PTK2: variants seen among roughly 807,000 people sequenced by gnomAD.
PTK2 encodes the protein focal adhesion kinase 1.
In PTK2, 45 loss-of-function variants were observed where a neutral mutation model predicts 150.1. The ratio of observed to expected loss-of-function variants is 0.30; its 90% CI spans 0.24 to 0.38. The LOEUF is 0.38. PTK2 is among the 10% of genes least tolerant of loss of function. The probability of loss-of-function intolerance (pLI) is 1.00; values close to 1 mark genes in which losing one functional copy is unlikely to be tolerated. For missense variants in PTK2, 919 were observed against 1,307.3 expected (o/e 0.70, Z 4.58); for synonymous variants, 432 against 449.2 (o/e 0.96, Z 0.48).
At chr8:140,850,443 G>A (rs1381768932) in intron 5 of PTK2, among the ~76,000 whole-genome samples, 1 of 148,834 alleles carries the variant, frequency 6.7e-6, no homozygotes, top group Non-Finnish European at 1.5e-5. Flanking sequence ...AAACTACGAC[G>A]GGCCAGGCGC....
intron 1 of PTK2, among the ~76,000 whole-genome samples, chr8:140,977,317 T>C (rs1336384294): frequency 2.0e-5 from 3 of 152,124 alleles, no homozygotes; most frequent in Non-Finnish European, 4.4e-5. Flanking sequence ...CGCTTGAACC[T>C]GGGAGGTCAA....
chr8:140,788,841 G>T lies in PTK2; in HGVS notation c.1177+633C>A, dbSNP rs1293453313. Among the ~76,000 whole-genome samples, 4 of 152,152 alleles carry T rather than the reference G, an allele frequency of 2.6e-5. No individual in the cohort carries two copies. The East Asian group carries it at 7.7e-4, about 29-fold the overall frequency. ...TATATGGTTACGTATGTATATATGT[G>T]CATATACAGATGGTATATGTATTTT... On this transcript the variant is annotated intron_variant, in intron 14 of 31. Transcript: ENST00000522684.
At chr8:140,963,549 T>G (rs1360874861) in intron 1 of PTK2, among the ~76,000 whole-genome samples, 1 of 152,168 alleles carries the variant, frequency 6.6e-6, no homozygotes, top group African/African-American at 2.4e-5. Context: ...CAAAACCTCC[T>G]AACTGATCTA....
intron 25 of PTK2, among the ~76,000 whole-genome samples, chr8:140,701,358 T>C (rs2100030350): frequency 6.6e-6 from 1 of 152,178 alleles, no homozygotes; most frequent in South Asian, 2.1e-4. Flanking sequence ...ACAATACATA[T>C]TACAGAGTAT....
At chr8:140,885,564 A>C (rs935420785) in intron 3 of PTK2, among the ~76,000 whole-genome samples, 1 of 152,224 alleles carries the variant, frequency 6.6e-6, no homozygotes, top group Admixed American at 6.5e-5. Context: ...ATGGTGAGGC[A>C]TAAGGGAGCA....
At chr8:140,885,051 G>A (rs2100151779) in intron 3 of PTK2, among the ~76,000 whole-genome samples, 1 of 152,138 alleles carries the variant, frequency 6.6e-6, no homozygotes, top group African/African-American at 2.4e-5. Flanking sequence ...AGTACTCAAT[G>A]GTGGTGTAAT....
intron 1 of PTK2, among the ~76,000 whole-genome samples, chr8:140,996,600 C>G (rs577144983): frequency 1.3e-5 from 2 of 152,312 alleles, no homozygotes; most frequent in African/African-American, 4.8e-5. Flanking sequence ...TTCTGAAAAT[C>G]CCAGGGTCCT....
At chr8:140,809,409 A>G (rs2100100101) in intron 10 of PTK2, among the ~76,000 whole-genome samples, 1 of 152,260 alleles carries the variant, frequency 6.6e-6, no homozygotes, top group African/African-American at 2.4e-5. Flanking sequence ...AGATTTTAAC[A>G]GATCTATGAG....
At chr8:140,792,976 G>C (rs2100089394) in intron 13 of PTK2, among the ~76,000 whole-genome samples, 1 of 152,062 alleles carries the variant, frequency 6.6e-6, no homozygotes, top group Non-Finnish European at 1.5e-5. Context: ...TATAAAATTA[G>C]GAAATAAACA....
At position 140,966,762 on chromosome 8, in the gene PTK2, T is replaced by G. The variant is rs370899560; in HGVS notation, c.-122+34363A>C. Among the ~76,000 whole-genome samples, 43 of 152,346 alleles carry G rather than the reference T, an allele frequency of 2.8e-4. 1 individual carries two copies. The highest frequency in any genetic ancestry group is 9.9e-4 in the African/African-American group (41 of 41,574). On this transcript the variant is annotated intron_variant, in intron 1 of 31. Coordinates refer to ENST00000522684, the Ensembl canonical transcript of PTK2. Reference sequence around the variant, plus strand: ...CTCTGAAGATATTTTAAGATGGATATTCCCTACCCTTTGTGCATGAATGAG... The same window carrying G: ...CTCTGAAGATATTTTAAGATGGATAGTCCCTACCCTTTGTGCATGAATGAG...
chr8:140,940,241 T>A lies in PTK2; in HGVS notation c.-121-14492A>T, dbSNP rs568270729. On this transcript the variant is annotated intron_variant, in intron 1 of 31. Coordinates refer to ENST00000522684, the Ensembl canonical transcript of PTK2. ...GTACATCAGGAAAGAAACACTACTT[T>A]GCATTTGGGAGGCCGAGGCGGGTGG... 2.3e-4 allele frequency among the ~76,000 whole-genome samples: 35 copies of A among 152,262 alleles called. No individual in the cohort carries two copies. The South Asian group carries it at 7.1e-3, about 31-fold the overall frequency.
chr8:140,711,326 C>T (rs890105808), intron 23 of PTK2, among the ~76,000 whole-genome samples: 1 of 152,282 alleles, frequency 6.6e-6, no homozygotes, highest in South Asian at 2.1e-4. Context: ...AGGCTGGTCT[C>T]GAACTACTGG....
chr8:140,752,625 C>G (rs1237245583), intron 16 of PTK2, among the ~76,000 whole-genome samples: 1 of 152,228 alleles, frequency 6.6e-6, no homozygotes, highest in East Asian at 1.9e-4. Flanking sequence ...GCAGAGGCAG[C>G]AGTCCCTGTA....
chr8:140,726,461 C>A (rs1388270662), intron 22 of PTK2, among the ~76,000 whole-genome samples: 1 of 152,156 alleles, frequency 6.6e-6, no homozygotes, highest in African/African-American at 2.4e-5. Flanking sequence ...CCAAGCACAT[C>A]CTACTTAAAT....
intron 10 of PTK2, among the ~76,000 whole-genome samples, chr8:140,817,151 C>T (rs2100105185): frequency 6.6e-6 from 1 of 151,912 alleles, no homozygotes; most frequent in Non-Finnish European, 1.5e-5. Flanking sequence ...CCAAGTAGGA[C>T]AGTGTGCCTG....
chr8:140,810,356 G>A (rs765072463), intron 10 of PTK2, among the ~76,000 whole-genome samples: 14 of 152,160 alleles, frequency 9.2e-5, no homozygotes, highest in Non-Finnish European at 1.8e-4. Flanking sequence ...CTGCAGGGTG[G>A]GCTTACCTAT....
At chr8:140,694,190 G>A (rs2100025021) in intron 26 of PTK2, among the ~76,000 whole-genome samples, 1 of 151,902 alleles carries the variant, frequency 6.6e-6, no homozygotes, top group South Asian at 2.1e-4. Flanking sequence ...ACAGGCACCT[G>A]CCACTACGCC....
chr8:140,850,561 T>TAA (rs538920575), intron 5 of PTK2, among the ~76,000 whole-genome samples: 17 of 120,978 alleles, frequency 1.4e-4, no homozygotes, highest in East Asian at 8.1e-4. Flanking sequence ...CCATCTCTAC[T>TAA]AAAAAAAAAA....
chr8:140,685,990 C>A (rs1297974434), intron 27 of PTK2, among the ~76,000 whole-genome samples: 1 of 152,160 alleles, frequency 6.6e-6, no homozygotes, highest in East Asian at 1.9e-4. Flanking sequence ...AACCTCAATA[C>A]CCATCAATGA....
Sources: allele counts gnomAD v4.1 joint callset (sites outside exome capture counted in the v4.1 genomes callset), GRCh38; gene constraint gnomAD v4.1.1; transcripts MANE v1.5; gene names NCBI Gene and HGNC (gene_info 2026-07-23, HGNC 2026-07-21).